BLK: variants seen among roughly 807,000 people sequenced by gnomAD.
The protein encoded by BLK is tyrosine-protein kinase Blk.
A neutral mutation model predicts 61.8 loss-of-function variants in BLK; 64 were observed. The observed-to-expected ratio is 1.03, with a 90% CI of 0.85 to 1.27. BLK has a LOEUF of 1.27. BLK is among the 50% of genes most tolerant of loss of function. BLK has a pLI of 0.00. For missense variants in BLK, 853 were observed against 660.5 expected, an observed-to-expected ratio of 1.29 and a Z score of -3.19; for synonymous variants, 351 against 272.0, an observed-to-expected ratio of 1.29 and a Z score of -2.86.
chr8:11,538,888 A>T (rs1800250943), intron 1 of BLK, among the ~76,000 whole-genome samples: 1 of 152,150 alleles, frequency 6.6e-6, no homozygotes, highest in African/African-American at 2.4e-5. Context: ...AAATCACTCA[A>T]ATCCTCCTTT....
rs1482003669 is a variant in BLK at position 11,564,562 on chromosome 8, C to G, written c.*454C>G. 4.5e-6 allele frequency: 2 copies of G among 446,410 alleles called. No homozygotes were observed. The highest frequency in any genetic ancestry group is 9.0e-6 in the Non-Finnish European group (2 of 222,738). 27.7% of individuals were successfully genotyped at this position (446,410 alleles called of 1,614,324 possible). ...CCCCAGCCTAGGCTGCGCTCCAGCA[C>G]TGCGGGGCTTTTCTGCAATAAAGTC... On this transcript the variant is annotated 3_prime_UTR_variant, in exon 13 of 13. Transcript: ENST00000259089.
At chr8:11,563,866 A>T in intron 12 of BLK, 37 bp from the exon 13 acceptor site, 1 of 1,574,700 alleles carries the variant, frequency 6.4e-7, no homozygotes, top group Non-Finnish European at 8.6e-7. Flanking sequence ...CGAGGACCCC[A>T]GCCCCTCACC....
chr8:11,517,246 G>C (rs1316609831), intron 1 of BLK, among the ~76,000 whole-genome samples: 1 of 152,202 alleles, frequency 6.6e-6, no homozygotes, highest in Non-Finnish European at 1.5e-5. Flanking sequence ...GCCTGTGGAC[G>C]GGAGAGCCAA....
At chr8:11,544,070 C>A (rs558280652) in intron 2 of BLK, among the ~76,000 whole-genome samples, 7 of 151,678 alleles carry the variant, frequency 4.6e-5, no homozygotes, top group Admixed American at 1.3e-4. Context: ...TCAAGTGATT[C>A]TCGTACCTCA....
intron 10 of BLK, chr8:11,559,929 T>C (rs929971500): frequency 1.1e-5 from 5 of 439,904 alleles, no homozygotes; most frequent in African/African-American, 6.1e-5. Context: ...CAGCTTCTTC[T>C]TGAAAGCAGA....
chr8:11,561,543 G>C (rs559281535), intron 11 of BLK, 91 bp downstream of exon 11: 2 of 1,487,464 alleles, frequency 1.3e-6, no homozygotes, highest in South Asian at 2.4e-5. Flanking sequence ...GCACAGCCCT[G>C]AGGGAAGACA....
chr8:11,508,642 T>C (rs1798873489), intron 1 of BLK, among the ~76,000 whole-genome samples: 1 of 152,224 alleles, frequency 6.6e-6, no homozygotes, highest in African/African-American at 2.4e-5. Flanking sequence ...TCTCCTGGAA[T>C]TGGAACTGTC....
At chr8:11,512,174 C>G (rs926374641) in intron 1 of BLK, among the ~76,000 whole-genome samples, 1 of 152,120 alleles carries the variant, frequency 6.6e-6, no homozygotes, top group Non-Finnish European at 1.5e-5. Context: ...CTGTAAGAAG[C>G]GCTGTGGGAT....
intron 7 of BLK, among the ~76,000 whole-genome samples, 166 bp from the exon 8 acceptor site, chr8:11,555,166 C>T (rs1270112132): frequency 1.3e-5 from 2 of 152,072 alleles, no homozygotes; most frequent in Non-Finnish European, 1.5e-5. Flanking sequence ...TTTGCGCAAA[C>T]GAAGAGAAAG....
intron 1 of BLK, among the ~76,000 whole-genome samples, chr8:11,540,776 C>T (rs565563747): frequency 1.3e-5 from 2 of 151,186 alleles, no homozygotes; most frequent in Non-Finnish European, 2.9e-5. Context: ...GGGCCCCAGA[C>T]ACAGATGGCT....
At chr8:11,526,062 C>T (rs527692779) in intron 1 of BLK, among the ~76,000 whole-genome samples, 5 of 152,254 alleles carry the variant, frequency 3.3e-5, no homozygotes, top group East Asian at 3.9e-4. Context: ...TGTGAGCCAC[C>T]GCACCCAGCT....
chr8:11,496,283 G>A (rs539865766), intron 1 of BLK, among the ~76,000 whole-genome samples: 1 of 152,274 alleles, frequency 6.6e-6, no homozygotes, highest in East Asian at 1.9e-4. Context: ...TGTTGCCCAG[G>A]CTGGAGTGCA....
At chr8:11,501,894 G>C (rs1000290824) in intron 1 of BLK, among the ~76,000 whole-genome samples, 1 of 152,256 alleles carries the variant, frequency 6.6e-6, no homozygotes, top group Non-Finnish European at 1.5e-5. Flanking sequence ...ATTCAGAAAA[G>C]TTTCCTCAAT....
chr8:11,519,632 C>T (rs1554542984), intron 1 of BLK, among the ~76,000 whole-genome samples: 2 of 152,166 alleles, frequency 1.3e-5, no homozygotes, highest in Non-Finnish European at 1.5e-5. Flanking sequence ...ACATCGAGAA[C>T]TTTATTTACA....
chr8:11,538,748 G>A (rs75908053), intron 1 of BLK, among the ~76,000 whole-genome samples: 3,329 of 152,236 alleles, frequency 0.022, 74 homozygotes, highest in African/African-American at 0.053. Context: ...GCCCTTCGTT[G>A]AGTCAGGGAG....
intron 3 of BLK, 82 bp downstream of exon 3, chr8:11,546,185 G>C: frequency 6.6e-7 from 1 of 1,521,190 alleles, no homozygotes; most frequent in Non-Finnish European, 9.1e-7. Flanking sequence ...AAAAGGTTGA[G>C]TCAGGAGCAG....
intron 1 of BLK, among the ~76,000 whole-genome samples, chr8:11,505,308 C>G (rs144913207): frequency 6.6e-6 from 1 of 152,288 alleles, no homozygotes; most frequent in African/African-American, 2.4e-5. Flanking sequence ...ACAAAGTTTT[C>G]TGTTGTCAAA....
intron 6 of BLK, among the ~76,000 whole-genome samples, chr8:11,554,506 C>G (rs1801093731): frequency 6.6e-6 from 1 of 152,086 alleles, no homozygotes; most frequent in South Asian, 2.1e-4. Flanking sequence ...GATTCCCTGG[C>G]TGAGTTTTGC....
intron 1 of BLK, among the ~76,000 whole-genome samples, chr8:11,498,296 AGGTTCTGTGCTTAATAGATGAAGTG>A (rs1337043300): frequency 5.3e-5 from 8 of 152,100 alleles, no homozygotes; most frequent in Non-Finnish European, 1.5e-5. Context: ...AGGGCATTTG[AGGTTCTGTGCTTAATAGATGAAGTG>A]GGTTCTGAGC....
Sources: gnomAD v4.1 joint callset for allele counts (sites outside exome capture counted in the v4.1 genomes callset) on GRCh38, gnomAD v4.1.1 for gene constraint, MANE v1.5 for transcripts, NCBI Gene and HGNC (gene_info 2026-07-23, HGNC 2026-07-21) for gene names.